Variants in EFNA5 observed in about 807,000 individuals in gnomAD.
EFNA5 encodes ephrin-A5.
In EFNA5, 5 loss-of-function variants were observed where a neutral mutation model predicts 22.9. The ratio of observed to expected loss-of-function variants is 0.22; its 90% CI spans 0.11 to 0.46. The LOEUF is 0.46. Among genes scored for constraint, EFNA5 ranks in the 20% least tolerant of loss-of-function variants. EFNA5 has a pLI of 0.99. For missense variants in EFNA5, 237 were observed against 293.3 expected, an observed-to-expected ratio of 0.81 and a Z score of 1.40; for synonymous variants, 113 against 112.2, an observed-to-expected ratio of 1.01 and a Z score of -0.04.
intron 1 of EFNA5, among the ~76,000 whole-genome samples, chr5:107,464,289 A>G (rs1749915118): frequency 6.6e-6 from 1 of 152,092 alleles, no homozygotes; most frequent in South Asian, 2.1e-4. Context: ...ATATCCCTCC[A>G]ATCTTCACTA....
chr5:107,431,308 T>G (rs1254422030), intron 1 of EFNA5, among the ~76,000 whole-genome samples: 1 of 152,224 alleles, frequency 6.6e-6, no homozygotes, highest in Non-Finnish European at 1.5e-5. Flanking sequence ...CATATGCTAA[T>G]CCTATTAGGT....
At position 107,556,790 on chromosome 5, in the gene EFNA5, A is replaced by ATATATATAAAAT. The variant is rs1554066399; in HGVS notation, c.125+113698_125+113699insATTTTATATATA. Among the ~76,000 whole-genome samples, 107 of 140,602 alleles carry ATATATATAAAAT rather than the reference A, an allele frequency of 7.6e-4. 4 individuals carry two copies. In the South Asian group the frequency reaches 0.017, roughly 23 times the overall value. 92.2% of individuals were successfully genotyped at this position (140,602 alleles called of 152,430 possible). ...TAAATAAATAAATAAATAAATAAAT[A>ATATATATAAAAT]AAATAAAATAAATAACTATCTCAAA... On this transcript the variant is annotated intron_variant, in intron 1 of 4. Transcript: ENST00000333274.
chr5:107,549,845 A>G (rs957243535), intron 1 of EFNA5, among the ~76,000 whole-genome samples: 4 of 152,236 alleles, frequency 2.6e-5, no homozygotes, highest in Non-Finnish European at 4.4e-5. Flanking sequence ...CAGGCCTCCT[A>G]TGCTGTCCAG....
chr5:107,556,682 G>A (rs992876487), intron 1 of EFNA5, among the ~76,000 whole-genome samples: 1 of 151,808 alleles, frequency 6.6e-6, no homozygotes, highest in African/African-American at 2.4e-5. Context: ...GGAGGCGGGG[G>A]TTGCAGTGAG....
chr5:107,482,226 A>T (rs1338272081), intron 1 of EFNA5, among the ~76,000 whole-genome samples: 2 of 151,658 alleles, frequency 1.3e-5, no homozygotes, highest in African/African-American at 2.4e-5. Context: ...AAATCACTTA[A>T]GCCTGGGAGA....
At chr5:107,600,295 T>C (rs1749564657) in intron 1 of EFNA5, among the ~76,000 whole-genome samples, 2 of 152,162 alleles carry the variant, frequency 1.3e-5, no homozygotes, top group East Asian at 3.9e-4. Context: ...TGTAATGGCA[T>C]GCATTTAAGG....
intron 1 of EFNA5, among the ~76,000 whole-genome samples, chr5:107,521,852 T>C (rs1166825123): frequency 6.6e-6 from 1 of 152,164 alleles, no homozygotes; most frequent in Non-Finnish European, 1.5e-5. Context: ...GTTCCCGCTA[T>C]GTTTTCCAGG....
chr5:107,433,400 G>A (rs1749019049), intron 1 of EFNA5, among the ~76,000 whole-genome samples: 1 of 152,138 alleles, frequency 6.6e-6, no homozygotes, highest in Non-Finnish European at 1.5e-5. Context: ...CTTTATGGTA[G>A]TTCTTGATAA....
At chr5:107,540,489 A>T (rs1250612473) in intron 1 of EFNA5, among the ~76,000 whole-genome samples, 1 of 152,236 alleles carries the variant, frequency 6.6e-6, no homozygotes, top group African/African-American at 2.4e-5. Flanking sequence ...TTATGAAAAC[A>T]GTATGGCAAA....
At chr5:107,394,836 T>C (rs1485892856) in intron 2 of EFNA5, among the ~76,000 whole-genome samples, 1 of 152,158 alleles carries the variant, frequency 6.6e-6, no homozygotes, top group Non-Finnish European at 1.5e-5. Context: ...ATGCTTTTTG[T>C]ATATATTTAT....
chr5:107,431,839 A>G (rs1748972147), intron 1 of EFNA5, among the ~76,000 whole-genome samples: 1 of 152,144 alleles, frequency 6.6e-6, no homozygotes, highest in South Asian at 2.1e-4. Flanking sequence ...CCTCGAAACA[A>G]CCCTATTTTG....
chr5:107,633,890 A>C (rs1426146923), intron 1 of EFNA5, among the ~76,000 whole-genome samples: 1 of 152,216 alleles, frequency 6.6e-6, no homozygotes, highest in Non-Finnish European at 1.5e-5. Context: ...TTTTGGCCCT[A>C]GATCTAGCCC....
chr5:107,577,247 T>G (rs1213476904), intron 1 of EFNA5, among the ~76,000 whole-genome samples: 1 of 152,062 alleles, frequency 6.6e-6, no homozygotes, highest in Non-Finnish European at 1.5e-5. Flanking sequence ...ATTGTGAACA[T>G]AAAACTCAAA....
At chr5:107,637,539 T>G (rs911094744) in intron 1 of EFNA5, among the ~76,000 whole-genome samples, 2 of 151,744 alleles carry the variant, frequency 1.3e-5, no homozygotes, top group African/African-American at 4.8e-5. Flanking sequence ...TGTGTGTGTG[T>G]GTGGGTTTGC....
chr5:107,518,496 G>A (rs1368442407), intron 1 of EFNA5, among the ~76,000 whole-genome samples: 1 of 151,814 alleles, frequency 6.6e-6, no homozygotes, highest in Admixed American at 6.6e-5. Context: ...AAGCCTGGGG[G>A]ACTGGTGGGC....
At chr5:107,498,486 C>T (rs1371519557) in intron 1 of EFNA5, among the ~76,000 whole-genome samples, 5 of 152,204 alleles carry the variant, frequency 3.3e-5, no homozygotes, top group African/African-American at 1.2e-4. Flanking sequence ...CTTCCCTGGA[C>T]CCCCACACAT....
chr5:107,386,431 T>G (rs1747626267), intron 4 of EFNA5, among the ~76,000 whole-genome samples: 1 of 152,170 alleles, frequency 6.6e-6, no homozygotes, highest in African/African-American at 2.4e-5. Flanking sequence ...GATAACCGAA[T>G]GGATATTTAC....
At chr5:107,543,692 C>T (rs1218975375) in intron 1 of EFNA5, among the ~76,000 whole-genome samples, 1 of 145,352 alleles carries the variant, frequency 6.9e-6, no homozygotes, top group Non-Finnish European at 1.5e-5. Context: ...AAGTGGTGAA[C>T]ATGCCAAAGT....
At chr5:107,591,779 C>T (rs901677307) in intron 1 of EFNA5, among the ~76,000 whole-genome samples, 2 of 131,938 alleles carry the variant, frequency 1.5e-5, no homozygotes, top group African/African-American at 3.0e-5. Context: ...CAAGATTGCA[C>T]GACTGCACTC....
Sources: allele counts gnomAD v4.1 joint callset (sites outside exome capture counted in the v4.1 genomes callset), GRCh38; gene constraint gnomAD v4.1.1; transcripts MANE v1.5; gene names NCBI Gene and HGNC (gene_info 2026-07-23, HGNC 2026-07-21).